FRMPD4: variants seen among roughly 807,000 people sequenced by gnomAD.
FRMPD4 encodes FERM and PDZ domain-containing protein 4.
A neutral mutation model predicts 94.1 loss-of-function variants in FRMPD4; 22 were observed. That is an observed-to-expected ratio of 0.23 (90% CI 0.17 to 0.33). The LOEUF (loss-of-function observed/expected upper bound fraction) is 0.33. Ranked by LOEUF, FRMPD4 falls within the 10% of genes least tolerant of loss-of-function variation. FRMPD4 has a pLI of 1.00. For synonymous variants in FRMPD4, 631 were observed against 548.6 expected, an observed-to-expected ratio of 1.15 and a Z score of -2.10; for missense variants, 1,111 against 1,339.9, an observed-to-expected ratio of 0.83 and a Z score of 2.67.
intron 1 of FRMPD4, among the ~76,000 whole-genome samples, chrX:12,497,324 C>A (rs1428034161): frequency 9.0e-6 from 1 of 111,061 alleles, no homozygotes; most frequent in African/African-American, 3.3e-5. Flanking sequence ...CTTGATACCA[C>A]CTTAGAAAGC....
At chrX:12,148,293 A>G (rs1231172595) in intron 1 of FRMPD4, among the ~76,000 whole-genome samples, 1 of 112,335 alleles carries the variant, frequency 8.9e-6, no homozygotes, top group Admixed American at 9.5e-5. Context: ...CACACAAACG[A>G]TAAGAAAGTG....
intron 3 of FRMPD4, among the ~76,000 whole-genome samples, chrX:11,978,118 C>G (rs1452453639): frequency 1.8e-5 from 2 of 108,223 alleles, no homozygotes; most frequent in Admixed American, 2.0e-4. Context: ...GTAAGGAGAT[C>G]GAGACCATCC....
intron 5 of FRMPD4, among the ~76,000 whole-genome samples, chrX:12,677,168 T>A (rs749414110): frequency 9.0e-6 from 1 of 110,792 alleles, no homozygotes; most frequent in South Asian, 3.9e-4. Context: ...ACCTACTAGA[T>A]GCCAGTAGCA....
intron 1 of FRMPD4, among the ~76,000 whole-genome samples, chrX:12,207,938 C>T (rs965891762): frequency 2.7e-5 from 3 of 111,550 alleles, no homozygotes; most frequent in Non-Finnish European, 5.7e-5. Flanking sequence ...TCAAATCCTG[C>T]CAAGTTATAA....
chrX:12,557,325 G>A (rs947109506), intron 2 of FRMPD4, among the ~76,000 whole-genome samples: 2 of 111,385 alleles, frequency 1.8e-5, no homozygotes, highest in African/African-American at 6.5e-5. Context: ...AGAATAGATG[G>A]TGAATATTTC....
At chrX:12,284,168 G>A (rs1171566362) in intron 1 of FRMPD4, among the ~76,000 whole-genome samples, 1 of 111,639 alleles carries the variant, frequency 9.0e-6, no homozygotes, top group African/African-American at 3.3e-5. Flanking sequence ...TATTATTTCT[G>A]GAAACTTTGG....
chrX:12,627,028 C>A (rs1291817437), intron 4 of FRMPD4, among the ~76,000 whole-genome samples: 1 of 111,649 alleles, frequency 9.0e-6, no homozygotes, highest in Non-Finnish European at 1.9e-5. Flanking sequence ...GTAATCCCAG[C>A]ACTTTGGGAG....
At chrX:12,073,075 C>T (rs968021294) in intron 3 of FRMPD4, among the ~76,000 whole-genome samples, 4 of 111,472 alleles carry the variant, frequency 3.6e-5, no homozygotes, top group African/African-American at 6.5e-5. Flanking sequence ...TAAGTTGATA[C>T]ATGTAGGTCT....
At chrX:12,071,459 C>T (rs1166661877) in intron 3 of FRMPD4, among the ~76,000 whole-genome samples, 2 of 111,696 alleles carry the variant, frequency 1.8e-5, no homozygotes, top group Non-Finnish European at 3.8e-5. Context: ...TGCAGAAATT[C>T]TTCTTTAAAA....
intron 1 of FRMPD4, among the ~76,000 whole-genome samples, chrX:12,388,498 G>A (rs898704068): frequency 2.8e-5 from 3 of 108,390 alleles, no homozygotes; most frequent in African/African-American, 1.0e-4. Flanking sequence ...CCAGCTACTC[G>A]GGGAGCTGAG....
intron 1 of FRMPD4, among the ~76,000 whole-genome samples, chrX:12,185,008 T>G (rs1415894980): frequency 9.0e-6 from 1 of 111,653 alleles, no homozygotes; most frequent in African/African-American, 3.3e-5. Flanking sequence ...TTGGACTGTT[T>G]GTAACACAAA....
At chrX:11,866,413 G>A (rs937978848) in intron 2 of FRMPD4, among the ~76,000 whole-genome samples, 5 of 111,645 alleles carry the variant, frequency 4.5e-5, no homozygotes, top group Non-Finnish European at 9.4e-5. Context: ...GCAATAGTAG[G>A]AGAAACAAGG....
In FRMPD4 at chrX:12,091,654, C is replaced by A. The variant is rs1350816603; in HGVS notation, c.95+213636C>A. Among the ~76,000 whole-genome samples the A allele has an allele frequency of 3.6e-5, 4 of 111,675 alleles. No individual in the cohort carries two copies. In the South Asian group the frequency reaches 1.5e-3, roughly 42 times the overall value. ...GGTTCTCATTCTGGGGTGATTGTAT[C>A]TCCCAGGGGCCTTTGGTAGTGTCTA... On this transcript the variant is annotated intron_variant, in intron 3 of 18. Coordinates refer to the FRMPD4 transcript ENST00000640291.
intron 1 of FRMPD4, among the ~76,000 whole-genome samples, chrX:12,462,302 T>C (rs1033458689): frequency 8.9e-6 from 1 of 112,082 alleles, no homozygotes; most frequent in African/African-American, 3.2e-5. Flanking sequence ...AAGCATAAGA[T>C]GAAGTAGAAG....
At chrX:11,925,464 C>T (rs768930069) in intron 3 of FRMPD4, among the ~76,000 whole-genome samples, 1 of 112,112 alleles carries the variant, frequency 8.9e-6, no homozygotes, top group African/African-American at 3.2e-5. Context: ...TTCTCATGGC[C>T]ACATGGCACA....
In FRMPD4 at chrX:12,615,342, A is replaced by T. The variant is rs774017615; in HGVS notation, c.422+461A>T. Among the ~76,000 whole-genome samples, 3 of 112,689 alleles carry T rather than the reference A, an allele frequency of 2.7e-5. No homozygotes were observed. In the East Asian group the frequency reaches 8.3e-4, roughly 31 times the overall value. On this transcript the variant is annotated intron_variant, in intron 4 of 16. Coordinates refer to ENST00000675598, the MANE Select transcript of FRMPD4 (RefSeq NM_001368397.1). ...TCATTACTGAAATTTGAGATTATCAACTGTGGCAATAGGATAATTAGGTCA... is the reference window on the plus strand; with the variant it reads ...TCATTACTGAAATTTGAGATTATCATCTGTGGCAATAGGATAATTAGGTCA...
chrX:12,029,679 C>A (rs1383679091), intron 3 of FRMPD4, among the ~76,000 whole-genome samples: 1 of 111,272 alleles, frequency 9.0e-6, no homozygotes, highest in East Asian at 2.8e-4. Context: ...TACTTTTTTT[C>A]TTTTTGCATA....
intron 3 of FRMPD4, among the ~76,000 whole-genome samples, chrX:11,929,923 C>T: frequency 9.2e-6 from 1 of 108,470 alleles, no homozygotes; most frequent in Admixed American, 9.9e-5. Flanking sequence ...GCCTGGCCAA[C>T]ATGGTGAAAC....
chrX:12,579,765 C>G (rs113108994), intron 2 of FRMPD4, among the ~76,000 whole-genome samples: 1 of 111,721 alleles, frequency 9.0e-6, no homozygotes, highest in Non-Finnish European at 1.9e-5. Context: ...TTCATGAATG[C>G]TTTTTTACAG....
Sources: gnomAD v4.1 joint callset for allele counts (sites outside exome capture counted in the v4.1 genomes callset) on GRCh38, gnomAD v4.1.1 for gene constraint, MANE v1.5 for transcripts, NCBI Gene and HGNC (gene_info 2026-07-23, HGNC 2026-07-21) for gene names.